The following GSE1 variants were observed in gnomAD, a reference collection of about 807,000 sequenced individuals.
GSE1 encodes genetic suppressor element 1.
GSE1 carries 32 observed loss-of-function variants against 112.6 expected under a neutral mutation model. The ratio of observed to expected loss-of-function variants is 0.28; its 90% CI spans 0.21 to 0.38. GSE1 has a LOEUF of 0.38. Among genes scored for constraint, GSE1 ranks in the 10% least tolerant of loss-of-function variants. GSE1 has a pLI of 1.00. For synonymous variants in GSE1, 1,115 were observed against 735.6 expected (o/e 1.52, Z -8.35); for missense variants, 2,348 against 1,699.2 (o/e 1.38, Z -6.71).
At chr16:85,353,456 A>ACGTTCCCATCGAAAG (rs1555568404) in intron 1 of GSE1, among the ~76,000 whole-genome samples, 3 of 151,612 alleles carry the variant, frequency 2.0e-5, no homozygotes, top group African/African-American at 7.3e-5. Flanking sequence ...GCATCATTTT[A>ACGTTCCCATCGAAAG]CGTTCCCATC....
rs531023996 is a variant in GSE1, at chr16:85,361,550, C to A, written c.2464+3907C>A. 2.0e-5 allele frequency among the ~76,000 whole-genome samples: 3 copies of A among 152,364 alleles called. No individual in the cohort carries two copies. In the East Asian group the frequency reaches 5.8e-4, roughly 29 times the overall value. ...GGCCCCCTGCCATGGTGGCCCCACC[C>A]TGGCACTGGCTGGGGCAGGAGCCTT... On this transcript the variant is annotated intron_variant, in intron 2 of 2. Coordinates refer to the GSE1 transcript ENST00000637419.
chr16:85,603,024 C>G lies in GSE1; in HGVS notation c.38-45528C>G, dbSNP rs537474218. ...TGCCAGGGTCACAGCTGGCCGCTTT[C>G]CAGCCGAGTGGCCAGGTGGCAGGAG... On this transcript the variant is annotated intron_variant, in intron 1 of 2. Transcript: ENST00000635906. Among the ~76,000 whole-genome samples, 437 of 152,378 alleles carry G rather than the reference C, an allele frequency of 2.9e-3. 1 individual carries two copies. Among genetic ancestry groups the G allele is most frequent in the African/African-American group, 0.01 (418 of 41,598 alleles).
intron 1 of GSE1, among the ~76,000 whole-genome samples, chr16:85,342,959 G>A (rs1328482749): frequency 6.6e-6 from 1 of 151,938 alleles, no homozygotes; most frequent in African/African-American, 2.4e-5. Context: ...CCGGGCACAG[G>A]CTCTGAAGAT....
chr16:85,646,792 G>A (rs1311847035), intron 2 of GSE1, among the ~76,000 whole-genome samples: 1 of 151,790 alleles, frequency 6.6e-6, no homozygotes, highest in Non-Finnish European at 1.5e-5. Context: ...TGACCCCCAG[G>A]CAGCAGAGCT....
At chr16:85,425,680 G>GC (rs2048961740) in intron 2 of GSE1, among the ~76,000 whole-genome samples, 1 of 150,852 alleles carries the variant, frequency 6.6e-6, no homozygotes, top group African/African-American at 2.4e-5. Flanking sequence ...AAGTCATGCA[G>GC]CCCCGCTTAC....
chr16:85,192,876 G>A (rs897816632), intron 1 of GSE1, among the ~76,000 whole-genome samples: 1 of 152,218 alleles, frequency 6.6e-6, no homozygotes, highest in African/African-American at 2.4e-5. Flanking sequence ...TTGGGAAGAA[G>A]GGGGGATTTG....
intron 1 of GSE1, among the ~76,000 whole-genome samples, chr16:85,339,429 C>T (rs529701637): frequency 7.2e-5 from 11 of 152,242 alleles, no homozygotes; most frequent in South Asian, 6.2e-4. Context: ...CTGCTTGCTG[C>T]GCCCTTTCTA....
intron 2 of GSE1, among the ~76,000 whole-genome samples, chr16:85,439,075 C>T (rs2049315917): frequency 6.6e-6 from 1 of 152,258 alleles, no homozygotes; most frequent in Admixed American, 6.5e-5. Context: ...CCTGACCTGC[C>T]CTCTGGCCCT....
At chr16:85,364,216 C>T (rs1204411350) in intron 2 of GSE1, among the ~76,000 whole-genome samples, 1 of 152,198 alleles carries the variant, frequency 6.6e-6, no homozygotes, top group East Asian at 1.9e-4. Context: ...CTCCCTCCAC[C>T]TTAAATCCAG....
intron 3 of GSE1, among the ~76,000 whole-genome samples, 200 bp downstream of exon 3, chr16:85,648,951 G>A (rs993174006): frequency 2.6e-5 from 4 of 151,968 alleles, no homozygotes; most frequent in Non-Finnish European, 5.9e-5. Context: ...TGAGTACATC[G>A]GCCCACGCAT....
rs368544307 is a variant in GSE1 at position 85,672,448 on chromosome 16, G to T, written c.3563G>T (p.Arg1188Leu). 6.2e-7 allele frequency: 1 copy of T among 1,609,682 alleles called. No homozygotes were observed. Among genetic ancestry groups the T allele is most frequent in the South Asian group, 1.1e-5 (1 of 90,804 alleles). The change falls in exon 16 of 16, where the codon CGG becomes CTG. Residue 1188 changes from arginine to leucine, a missense_variant. Arg to Leu is a moderately radical substitution (Grantham distance 102). Transcript: ENST00000253458. ...QKQKMVSERE[R>L]LQAELDHLRK... is the part of the protein sequence containing the mutation. ...CAGAAGATGGTCTCAGAAAGGGAGC[G>T]GCTCCAGGCAGAACTGGACCACTTA...
chr16:85,481,100 C>G (rs2050668294), intron 2 of GSE1, among the ~76,000 whole-genome samples: 1 of 152,366 alleles, frequency 6.6e-6, no homozygotes, highest in South Asian at 2.1e-4. Flanking sequence ...GACACCTGCT[C>G]TTCCTGGGAC....
intron 1 of GSE1, among the ~76,000 whole-genome samples, chr16:85,628,284 G>C (rs561383573): frequency 6.6e-6 from 1 of 152,224 alleles, no homozygotes; most frequent in Admixed American, 6.5e-5. Flanking sequence ...CAGCAGAGCC[G>C]CTTCCCAGGC....
intron 2 of GSE1, among the ~76,000 whole-genome samples, chr16:85,410,968 G>A (rs868399178): frequency 2.5e-5 from 1 of 40,666 alleles, no homozygotes; most frequent in Non-Finnish European, 4.5e-5. Context: ...AATCCTCACT[G>A]TTACACTCAG....
chr16:85,334,510 C>T (rs1293091630), intron 1 of GSE1, among the ~76,000 whole-genome samples: 1 of 152,218 alleles, frequency 6.6e-6, no homozygotes, highest in Non-Finnish European at 1.5e-5. Context: ...TCCTGTCTGT[C>T]CCCAGGTTCT....
chr16:85,525,882 C>T (rs1307074608), intron 2 of GSE1, among the ~76,000 whole-genome samples: 1 of 152,188 alleles, frequency 6.6e-6, no homozygotes, highest in African/African-American at 2.4e-5. Flanking sequence ...TTGGGTACCT[C>T]ACTGGTGGCT....
At chr16:85,212,493 G>C (rs1416082660) in intron 1 of GSE1, among the ~76,000 whole-genome samples, 1 of 152,170 alleles carries the variant, frequency 6.6e-6, no homozygotes, top group African/African-American at 2.4e-5. Flanking sequence ...TAGTCATAAG[G>C]ATAGATCAGG....
chr16:85,642,902 C>G (rs1211021000), intron 2 of GSE1, among the ~76,000 whole-genome samples: 4 of 152,152 alleles, frequency 2.6e-5, no homozygotes, highest in African/African-American at 9.7e-5. Flanking sequence ...TGGGGCCTGA[C>G]CACGGTGAGG....
intron 1 of GSE1, chr16:85,285,682 CAAAAA>C (rs36070534): frequency 7.2e-5 from 5 of 69,832 alleles, no homozygotes; most frequent in African/African-American, 1.7e-4. Flanking sequence ...AACTCTGTCT[CAAAAA>C]AAAAAAAAAA....
Sources: allele counts gnomAD v4.1 joint callset (sites outside exome capture counted in the v4.1 genomes callset), GRCh38; gene constraint gnomAD v4.1.1; transcripts MANE v1.5; gene names NCBI Gene and HGNC (gene_info 2026-07-23, HGNC 2026-07-21).